Variants in RPS9 observed in about 807,000 individuals in gnomAD.
The protein encoded by RPS9 is ribosomal protein S9.
A neutral mutation model predicts 16.9 loss-of-function variants in RPS9; 1 was observed. The observed-to-expected ratio is 0.06, with a 90% CI of 0.02 to 0.28. The LOEUF is 0.28. RPS9 is among the 10% of genes least tolerant of loss of function. RPS9 has a pLI of 1.00. For missense variants in RPS9, 137 were observed against 273.2 expected, an observed-to-expected ratio of 0.50 and a Z score of 3.51; for synonymous variants, 106 against 110.9, an observed-to-expected ratio of 0.96 and a Z score of 0.28.
intron 3 of RPS9, chr19:54,202,552 A>G (rs2077095014): frequency 4.1e-6 from 4 of 980,828 alleles, no homozygotes; most frequent in Non-Finnish European, 4.8e-6. Context: ...TTACTTTACT[A>G]ATTGTGGTGA....
Position 54,204,521 on chromosome 19 carries a change from C to G in RPS9, c.221-1755C>G, listed in dbSNP as rs540467778. Among the ~76,000 whole-genome samples the G allele has an allele frequency of 2.6e-5, 4 of 152,272 alleles. No homozygotes were observed. The South Asian group carries it at 8.3e-4, about 32-fold the overall frequency. On this transcript the variant is annotated intron_variant, in intron 3 of 4. Coordinates refer to ENST00000302907, the MANE Select transcript of RPS9 (RefSeq NM_001013.4). The stretch of plus-strand genomic sequence containing the variant: ...TGTGCTTAAGTGATCCTCCTCAGCT[C>G]TAGTAGCTGGGACCACAATCCACCA...
chr19:54,203,958 G>A (rs909760614), intron 3 of RPS9, among the ~76,000 whole-genome samples: 1 of 152,228 alleles, frequency 6.6e-6, no homozygotes, highest in African/African-American at 2.4e-5. Flanking sequence ...GCCCAGTGGA[G>A]CCTCAGCAGT....
chr19:54,202,214 TCG>T (rs1282961932), intron 3 of RPS9, among the ~76,000 whole-genome samples: 1 of 152,144 alleles, frequency 6.6e-6, no homozygotes, highest in Non-Finnish European at 1.5e-5. Context: ...AGACGGAGTC[TCG>T]CTCCATTGCC....
chr19:54,204,036 G>C (rs2077156635), intron 3 of RPS9, among the ~76,000 whole-genome samples: 1 of 152,136 alleles, frequency 6.6e-6, no homozygotes, highest in Non-Finnish European at 1.5e-5. Flanking sequence ...CATACTTAAA[G>C]GTTTTGCCTG....
At chr19:54,204,018 A>G (rs547744748) in intron 3 of RPS9, among the ~76,000 whole-genome samples, 178 of 152,162 alleles carry the variant, frequency 1.2e-3, no homozygotes, top group African/African-American at 4.0e-3. Context: ...GTTGAAAACT[A>G]TTGTCTTCAT....
At chr19:54,201,035 G>A (rs2077024179) in intron 1 of RPS9, 125 bp from the exon 2 acceptor site, 1 of 1,479,158 alleles carries the variant, frequency 6.8e-7, no homozygotes, top group East Asian at 2.5e-5. Context: ...GGCAGATACT[G>A]ACTATGAGAG....
Position 54,201,141 on chromosome 19 carries a change from AC to A in RPS9, c.-25-18del. On this transcript the variant is annotated intron_variant, in intron 1 of 4. Transcript: ENST00000302907. Reference sequence around the variant, plus strand: ...GGCGCCGTTTGGATCCCTTACGCTCACACTTCTCTCCCGCGCAGGCGCAGAC... The same window carrying A: ...GGCGCCGTTTGGATCCCTTACGCTCAACTTCTCTCCCGCGCAGGCGCAGAC... 6.2e-7 allele frequency: 1 copy of A among 1,612,200 alleles called. No individual in the cohort carries two copies. The highest frequency in any genetic ancestry group is 8.5e-7 in the Non-Finnish European group (1 of 1,179,832).
rs536056443 is a variant in RPS9, at chr19:54,206,558, G to A, written c.407+96G>A. 1.4e-4 allele frequency: 217 copies of A among 1,565,056 alleles called. No homozygotes were observed. The East Asian group carries it at 4.1e-3, about 30-fold the overall frequency. On this transcript the variant is annotated intron_variant, in intron 4 of 4. Transcript: ENST00000302907. ...TGTCCCTATCTCCTATGCAGCCCTC[G>A]GAGGTGATGGGTGTGAACTCACCCA...
At chr19:54,203,765 A>C (rs550751021) in intron 3 of RPS9, among the ~76,000 whole-genome samples, 2 of 132,100 alleles carry the variant, frequency 1.5e-5, no homozygotes, top group Non-Finnish European at 3.5e-5. Flanking sequence ...ACAAAACAAC[A>C]CGAACTCCCC....
At chr19:54,203,012 G>A (rs936536119) in intron 3 of RPS9, 9 of 983,808 alleles carry the variant, frequency 9.1e-6, no homozygotes, top group South Asian at 4.7e-5. Context: ...CATTCTTTTC[G>A]TCAATTTGTA....
chr19:54,207,434 T>A lies in RPS9; in HGVS notation c.444T>A (p.Ile148=). 3 of 1,613,744 alleles carry A rather than the reference T, an allele frequency of 1.9e-6. No individual in the cohort carries two copies. Among genetic ancestry groups the A allele is most frequent in the Non-Finnish European group, 2.5e-6 (3 of 1,179,850 alleles). ...RKQVVNIPSF[I]VRLDSQKHID... ...AGGTGGTGAACATCCCGTCCTTCAT[T>A]GTCCGCCTGGATTCCCAGAAGCACA... The change falls in exon 5 of 5, where the codon ATT becomes ATA. Residue 148 remains isoleucine (I), a synonymous_variant. Coordinates refer to ENST00000302907, the MANE Select transcript of RPS9 (RefSeq NM_001013.4).
chr19:54,204,103 A>G (rs544327730), intron 3 of RPS9, among the ~76,000 whole-genome samples: 32 of 151,960 alleles, frequency 2.1e-4, no homozygotes, highest in Non-Finnish European at 3.8e-4. Flanking sequence ...TGTGGGCCTG[A>G]GTGCAGTGGC....
chr19:54,206,764 G>T (rs545462828), intron 4 of RPS9: 597 of 1,434,844 alleles, frequency 4.2e-4, no homozygotes, highest in Non-Finnish European at 5.1e-4. Flanking sequence ...GAGAGAACCA[G>T]CCTCACCTCG....
chr19:54,205,911 G>C (rs891554840), intron 3 of RPS9, among the ~76,000 whole-genome samples: 44 of 152,170 alleles, frequency 2.9e-4, no homozygotes, highest in African/African-American at 1.0e-3. Context: ...CCGCCTCCTG[G>C]GTTCAAGCAG....
chr19:54,200,895 T>C lies in RPS9; in HGVS notation c.-26+7T>C, dbSNP rs1041498466. On this transcript the variant is annotated splice_region_variant and intron_variant, in intron 1 of 4. Transcript: ENST00000302907. ...GACCGGGTGGTTTGCTTAGGTGAGG[T>C]GCGGTGGTGTGCTTTTTCTCTAGGG... 7.4e-6 allele frequency: 9 copies of C among 1,211,822 alleles called. No individual in the cohort carries two copies. The highest frequency in any genetic ancestry group is 8.3e-6 in the Non-Finnish European group (8 of 966,374). 75.1% of individuals were successfully genotyped at this position (1,211,822 alleles called of 1,614,324 possible).
Position 54,201,230 on chromosome 19 carries a change from C to T in RPS9, c.46C>T (p.Pro16Ser). The change falls in exon 2 of 5, where the codon CCG (proline) becomes TCG (serine). Residue 16 changes from proline (P) to serine (S), a missense_variant. By Grantham distance (74) the Pro-to-Ser change is moderately conservative. This residue lies in a region of RPS9 where 64 missense variants were observed against 164.0 expected (regional missense o/e 0.39). Coordinates refer to ENST00000302907, the MANE Select transcript of RPS9 (RefSeq NM_001013.4). ...GGTTTGTCGCAAAACTTATGTGACC[C>T]CGCGGAGACCCTTCGAGAAATCTCG... ...SWVCRKTYVT[P>S]RRPFEKSRLD... 1 of 1,612,008 alleles carries T rather than the reference C, an allele frequency of 6.2e-7. No homozygotes were observed. The highest frequency in any genetic ancestry group is 8.5e-7 in the Non-Finnish European group (1 of 1,178,428).
At chr19:54,201,129 T>TTACGCTCACACTTCTCTCCCG in intron 1 of RPS9, 31 bp from the exon 2 acceptor site, 1 of 1,610,608 alleles carries the variant, frequency 6.2e-7, no homozygotes, top group Admixed American at 1.7e-5. Context: ...GCCGTTTGGA[T>TTACGCTCACACTTCTCTCCCG]CCCTTACGCT....
chr19:54,205,191 G>A (rs769999116), intron 3 of RPS9, among the ~76,000 whole-genome samples: 1 of 152,100 alleles, frequency 6.6e-6, no homozygotes, highest in East Asian at 1.9e-4. Flanking sequence ...TGCTGAAGGC[G>A]TGTGGGATTA....
chr19:54,202,904 A>C (rs11084316), intron 3 of RPS9: 374,219 of 981,878 alleles, frequency 0.38, 74,612 homozygotes, highest in East Asian at 0.43. Flanking sequence ...TGCAGTGTTG[A>C]CCAGGATGGT....
Sources: gnomAD v4.1 joint callset for allele counts (sites outside exome capture counted in the v4.1 genomes callset) on GRCh38, gnomAD v4.1.1 for gene constraint, gnomAD v4.1.1 regional missense constraint, MANE v1.5 for transcripts, NCBI Gene and HGNC (gene_info 2026-07-23, HGNC 2026-07-21) for gene names.